The following ALK variants were observed in gnomAD, a reference collection of about 807,000 sequenced individuals.
The protein encoded by ALK is ALK tyrosine kinase receptor.
A neutral mutation model predicts 163.1 loss-of-function variants in ALK; 74 were observed. The ratio of observed to expected loss-of-function variants is 0.45; its 90% CI spans 0.38 to 0.55. The LOEUF is 0.55. ALK is among the 20% of genes least tolerant of loss of function. The pLI, the probability that ALK is intolerant of heterozygous loss-of-function variation, is 0.00. For synonymous variants in ALK, 960 were observed against 843.2 expected (o/e 1.14, Z -2.40); for missense variants, 2,063 against 2,105.3 (o/e 0.98, Z 0.39).
intron 4 of ALK, among the ~76,000 whole-genome samples, chr2:29,408,369 G>A (rs1358919618): frequency 2.0e-5 from 3 of 152,064 alleles, no homozygotes; most frequent in Admixed American, 6.5e-5. Context: ...GGGATTACAG[G>A]TGTGAGCCAC....
At chr2:29,316,480 CAA>C (rs1211048533) in intron 8 of ALK, among the ~76,000 whole-genome samples, 80 of 152,126 alleles carry the variant, frequency 5.3e-4, no homozygotes, top group African/African-American at 1.9e-3. Flanking sequence ...TTGATCAACT[CAA>C]AGGTTATTAG....
chr2:29,263,270 G>GTTA (rs1665134055), intron 11 of ALK, among the ~76,000 whole-genome samples: 1 of 152,222 alleles, frequency 6.6e-6, no homozygotes, highest in African/African-American at 2.4e-5. Flanking sequence ...GCCTCCTGTT[G>GTTA]TAAGGTTCAC....
At chr2:29,480,330 C>T (rs2148117573) in intron 4 of ALK, among the ~76,000 whole-genome samples, 1 of 152,126 alleles carries the variant, frequency 6.6e-6, no homozygotes, top group Non-Finnish European at 1.5e-5. Context: ...TTAATATCTG[C>T]TAATTCTAAG....
intron 4 of ALK, among the ~76,000 whole-genome samples, chr2:29,449,405 T>C (rs1670767263): frequency 6.6e-6 from 1 of 152,176 alleles, no homozygotes; most frequent in Admixed American, 6.5e-5. Flanking sequence ...ATCTTGGACA[T>C]TGAGGGCTGC....
intron 12 of ALK, among the ~76,000 whole-genome samples, chr2:29,240,354 C>T (rs1664493646): frequency 6.6e-6 from 1 of 152,088 alleles, no homozygotes; most frequent in Admixed American, 6.5e-5. Flanking sequence ...GCCTCCTAGC[C>T]TACATGTGCT....
rs865940950 is a variant in ALK, at chr2:29,513,100, G to A, written c.1154+18815C>T. ...CAAGGTAATTTATAGATTCAATGCCGTCCCCATCAAGCTACCAATGACTTT... is the reference window on the plus strand; with the variant it reads ...CAAGGTAATTTATAGATTCAATGCCATCCCCATCAAGCTACCAATGACTTT... On this transcript the variant is annotated intron_variant, in intron 4 of 28. Coordinates refer to ENST00000389048, the MANE Select transcript of ALK (RefSeq NM_004304.5). 9.9e-3 allele frequency among the ~76,000 whole-genome samples: 1,477 copies of A among 149,382 alleles called. 32 individuals are homozygous for A. Among genetic ancestry groups the A allele is most frequent in the African/African-American group, 0.034 (1,326 of 39,048 alleles).
rs148368341 is a variant in ALK, at chr2:29,298,510, T to C, written c.1648-1453A>G. Among the ~76,000 whole-genome samples the C allele has an allele frequency of 1.1e-4, 17 of 152,344 alleles. No individual in the cohort carries two copies. In the South Asian group the frequency reaches 2.1e-3, roughly 19 times the overall value. ...AGAATACTGCTAATTTGAACTTCCA[T>C]GAATTCAGACTGTTGAGTCTCAATG... On this transcript the variant is annotated intron_variant, in intron 8 of 28. Transcript: ENST00000389048.
intron 3 of ALK, among the ~76,000 whole-genome samples, chr2:29,553,920 TG>T (rs1673778117): frequency 6.6e-6 from 1 of 152,226 alleles, no homozygotes; most frequent in African/African-American, 2.4e-5. Context: ...CTTGTTGATT[TG>T]TAAGAACTTC....
chr2:29,908,164 G>T (rs946784685), intron 1 of ALK, among the ~76,000 whole-genome samples: 3 of 152,128 alleles, frequency 2.0e-5, no homozygotes, highest in African/African-American at 7.2e-5. Context: ...AATAGGTTCA[G>T]ATTTCTCTAG....
At chr2:29,239,404 G>T (rs76788680) in intron 13 of ALK, among the ~76,000 whole-genome samples, 1 of 152,074 alleles carries the variant, frequency 6.6e-6, no homozygotes. Flanking sequence ...AGGTGAGGGA[G>T]GGGGGGAGCC....
At chr2:29,881,133 C>A (rs1348470633) in intron 1 of ALK, among the ~76,000 whole-genome samples, 2 of 152,174 alleles carry the variant, frequency 1.3e-5, no homozygotes, top group Non-Finnish European at 2.9e-5. Flanking sequence ...TTGTATGGAA[C>A]AGAGAAAGGT....
intron 28 of ALK, 39 bp downstream of exon 28, chr2:29,196,729 CAT>C: frequency 6.9e-7 from 1 of 1,441,146 alleles, no homozygotes; most frequent in Non-Finnish European, 9.8e-7. Flanking sequence ...AAGACTGTTT[CAT>C]ATAGAGTAAA....
chr2:29,334,755 G>A (rs987421087), intron 5 of ALK, among the ~76,000 whole-genome samples: 5 of 152,288 alleles, frequency 3.3e-5, no homozygotes, highest in Middle Eastern at 3.4e-3. Flanking sequence ...TCCCTGGCAC[G>A]GCCTTCTCTG....
intron 4 of ALK, among the ~76,000 whole-genome samples, chr2:29,508,194 C>G (rs978851841): frequency 6.6e-6 from 1 of 152,080 alleles, no homozygotes; most frequent in African/African-American, 2.4e-5. Flanking sequence ...ACACGTGGAC[C>G]CTCTGAAACT....
At chr2:29,689,860 A>C (rs1223718654) in intron 3 of ALK, among the ~76,000 whole-genome samples, 4 of 152,182 alleles carry the variant, frequency 2.6e-5, no homozygotes, top group Non-Finnish European at 4.4e-5. Context: ...GTGATGACAG[A>C]GGAAGAGTTT....
At position 29,694,939 on chromosome 2, in the gene ALK, C is replaced by T. The variant is rs1678509815; in HGVS notation, c.863G>A (p.Trp288Ter). ...PPLHDLRNQSWSWRRIPSEEA... is the reference protein window; with the variant it reads ...PPLHDLRNQS ...CTCGGAGGGGATGCGGCGCCAGGAC[C>T]AGCTCTGGTTCCTGAGGTCATGCAG... The change falls in exon 3 of 29, where the codon TGG becomes TAG. Residue 288 changes from tryptophan (W) to a stop codon, truncating the protein, a stop_gained. Coordinates refer to ENST00000389048, the MANE Select transcript of ALK (RefSeq NM_004304.5). LOFTEE classifies it high-confidence loss of function. The T allele has an allele frequency of 1.2e-6, 2 of 1,614,126 alleles. No homozygotes were observed. The highest frequency in any genetic ancestry group is 8.5e-7 in the Non-Finnish European group (1 of 1,180,006).
At chr2:29,288,952 AAAAAAAT>A (rs1376464308) in intron 9 of ALK, among the ~76,000 whole-genome samples, 8 of 23,544 alleles carry the variant, frequency 3.4e-4, no homozygotes, top group African/African-American at 4.9e-4. Context: ...ACTCCTTCTC[AAAAAAAT>A]AAATAAATAA....
chr2:29,456,745 GA>G (rs1012852463), intron 4 of ALK, among the ~76,000 whole-genome samples: 45 of 152,070 alleles, frequency 3.0e-4, no homozygotes, highest in African/African-American at 1.0e-3. Context: ...TAAAAAATGG[GA>G]ATATTACCAC....
chr2:29,788,980 C>T (rs1432136829), intron 1 of ALK, among the ~76,000 whole-genome samples: 4 of 146,056 alleles, frequency 2.7e-5, no homozygotes, highest in East Asian at 2.0e-4. Context: ...GTTTTGCAAA[C>T]GGCCGAGTCT....
Sources: gnomAD v4.1 joint callset for allele counts (sites outside exome capture counted in the v4.1 genomes callset) on GRCh38, gnomAD v4.1.1 for gene constraint, MANE v1.5 for transcripts, NCBI Gene and HGNC (gene_info 2026-07-23, HGNC 2026-07-21) for gene names.